CGREF1: variants seen among roughly 807,000 people sequenced by gnomAD.
CGREF1 encodes the protein cell growth regulator with EF hand domain protein 1.
In CGREF1, 16 loss-of-function variants were observed where a neutral mutation model predicts 17.4. That is an observed-to-expected ratio of 0.92 (90% CI 0.62 to 1.40). The LOEUF is 1.40. Among genes scored for constraint, CGREF1 ranks in the 40% most tolerant of loss-of-function variants. The pLI is 0.00. For synonymous variants in CGREF1, 142 were observed against 154.6 expected, an observed-to-expected ratio of 0.92 and a Z score of 0.61; for missense variants, 296 against 376.4, an observed-to-expected ratio of 0.79 and a Z score of 1.77.
chr2:27,116,217 T>G (rs1671559039), intron 1 of CGREF1, among the ~76,000 whole-genome samples: 2 of 123,570 alleles, frequency 1.6e-5, no homozygotes, highest in Non-Finnish European at 3.3e-5. Context: ...GACAGCAAGA[T>G]GCCACCAAAA....
At chr2:27,111,609 G>A (rs1439421967) in intron 1 of CGREF1, among the ~76,000 whole-genome samples, 2 of 152,224 alleles carry the variant, frequency 1.3e-5, no homozygotes, top group African/African-American at 2.4e-5. Flanking sequence ...GCCCACGGCA[G>A]TGGGGAGGCT....
downstream of CGREF1, chr2:27,099,983 A>C: frequency 4.8e-6 from 4 of 833,978 alleles, no homozygotes; most frequent in Non-Finnish European, 5.7e-6. Context: ...TCTCCTCTCA[A>C]TGTCTGAACT....
At chr2:27,112,954 C>G (rs1671445517) in intron 1 of CGREF1, among the ~76,000 whole-genome samples, 1 of 152,172 alleles carries the variant, frequency 6.6e-6, no homozygotes, top group African/African-American at 2.4e-5. Context: ...AAGTAGAAGA[C>G]AGAAATCTCC....
At chr2:27,112,839 C>T (rs1473843208) in intron 1 of CGREF1, among the ~76,000 whole-genome samples, 3 of 152,176 alleles carry the variant, frequency 2.0e-5, no homozygotes, top group Non-Finnish European at 2.9e-5. Context: ...CCACAAATCA[C>T]GTTCGAGGAG....
chr2:27,100,560 A>C (rs543665606), downstream of CGREF1: 335 of 1,289,110 alleles, frequency 2.6e-4, 3 homozygotes, highest in South Asian at 3.9e-3. Flanking sequence ...TGTAAAGAGC[A>C]TATAATGTAA....
chr2:27,103,594 G>C (rs1196974157), intron 2 of CGREF1, among the ~76,000 whole-genome samples: 1 of 150,320 alleles, frequency 6.7e-6, no homozygotes, highest in Non-Finnish European at 1.5e-5. Flanking sequence ...GGCTGGTCTC[G>C]AACTCCTGAC....
chr2:27,118,811 G>C (rs894329884), intron 1 of CGREF1, 35 bp downstream of exon 1: 6 of 152,242 alleles, frequency 3.9e-5, no homozygotes, highest in South Asian at 4.1e-4. Flanking sequence ...CGATGGGCTC[G>C]GGTCTCCGGC....
At chr2:27,102,297 G>A (rs956539463) in intron 4 of CGREF1, 63 bp downstream of exon 4, 3 of 1,612,254 alleles carry the variant, frequency 1.9e-6, no homozygotes, top group Non-Finnish European at 2.5e-6. Context: ...GGCAGCCGAG[G>A]TCAGTCCCAG....
intron 2 of CGREF1, chr2:27,103,200 G>C: frequency 1.3e-6 from 1 of 756,828 alleles, no homozygotes; most frequent in Non-Finnish European, 1.6e-6. Context: ...GAGCTGGCAG[G>C]AGTTGCAGCG....
In CGREF1 at chr2:27,100,707, AATT is replaced by A; in HGVS notation, c.*564_*566del. 1.8e-6 allele frequency: 2 copies of A among 1,119,816 alleles called. No homozygotes were observed. Among genetic ancestry groups the A allele is most frequent in the Non-Finnish European group, 2.3e-6 (2 of 876,798 alleles). The allele number at this position is 1,119,816 out of a possible 1,614,324, so 69.4% of individuals were successfully genotyped here. On this transcript the variant is annotated 3_prime_UTR_variant, in exon 6 of 6. Transcript: ENST00000402394. Reference sequence around the variant, plus strand: ...TGGAACCAATTCTGCTTGGCTACAGAATTATTGTGAGGATAAAATCATATATAA... The same window carrying A: ...TGGAACCAATTCTGCTTGGCTACAGAATTGTGAGGATAAAATCATATATAA...
intron 1 of CGREF1, among the ~76,000 whole-genome samples, chr2:27,106,093 C>A (rs899143107): frequency 2.6e-5 from 4 of 152,142 alleles, no homozygotes; most frequent in African/African-American, 9.7e-5. Flanking sequence ...CAACATGAAA[C>A]CGTCAAAGGG....
intron 1 of CGREF1, among the ~76,000 whole-genome samples, chr2:27,118,523 G>C (rs1016320809): frequency 1.3e-5 from 2 of 152,142 alleles, no homozygotes; most frequent in Non-Finnish European, 2.9e-5. Flanking sequence ...TCGGATGAGG[G>C]GGAAAGCTCC....
downstream of CGREF1, chr2:27,100,146 C>T (rs1452030054): frequency 1.9e-6 from 1 of 518,578 alleles, no homozygotes; most frequent in Non-Finnish European, 3.5e-6. Flanking sequence ...TCTGCCCTGG[C>T]TGGGGAGGAC....
At chr2:27,116,861 G>T (rs555511777) in intron 1 of CGREF1, among the ~76,000 whole-genome samples, 1 of 74,800 alleles carries the variant, frequency 1.3e-5, no homozygotes. Context: ...GAGCCACCAG[G>T]CCAGGCCTAT....
At chr2:27,111,817 G>A (rs1671400478) in intron 1 of CGREF1, among the ~76,000 whole-genome samples, 1 of 151,928 alleles carries the variant, frequency 6.6e-6, no homozygotes, top group South Asian at 2.1e-4. Context: ...GGCAAGCGCC[G>A]CGCGCAGCCC....
In CGREF1 at chr2:27,102,128, G is replaced by A; in HGVS notation, c.311C>T (p.Pro104Leu). 1 of 1,609,700 alleles carries A rather than the reference G, an allele frequency of 6.2e-7. No homozygotes were observed. The highest frequency in any genetic ancestry group is 8.5e-7 in the Non-Finnish European group (1 of 1,176,434). The change falls in exon 5 of 6, where the codon CCT becomes CTT. Residue 104 changes from proline to leucine, a missense_variant. Pro to Leu is a moderately conservative substitution (Grantham distance 98, BLOSUM62 -3). Transcript: ENST00000402394. ...GGTGGTAGGAGAGTTGGCAGCTCCAGGGGCCAGAGCAGCTGTCAACATGGA... is the reference window on the plus strand; with the variant it reads ...GGTGGTAGGAGAGTTGGCAGCTCCAAGGGCCAGAGCAGCTGTCAACATGGA... ...LLSMLTAALA[P>L]GAANSPTTNP...
At chr2:27,117,078 AATTTT>A (rs1438820580) in intron 1 of CGREF1, among the ~76,000 whole-genome samples, 1 of 151,444 alleles carries the variant, frequency 6.6e-6, no homozygotes, top group African/African-American at 2.4e-5. Flanking sequence ...ACACCTGGCT[AATTTT>A]TGTATTTTTA....
rs142435671 is a variant in CGREF1 at position 27,101,802 on chromosome 2, C to G, written c.429G>C (p.Pro143=). The G allele has an allele frequency of 8.1e-6, 13 of 1,614,062 alleles. No individual in the cohort carries two copies. Among genetic ancestry groups the G allele is most frequent in the Middle Eastern group, 1.6e-4 (1 of 6,084 alleles). The change falls in exon 6 of 6, where the codon CCG becomes CCC. Residue 143 remains proline, a synonymous_variant. Transcript: ENST00000402394. ...GCTCCACGTGCCTGAGGGCTACTCC[C>G]GGGAAGTTGATGAGCTCAGCAGGGG... The part of the protein sequence containing the change: ...LMTPAELINF[P]GVALRHVEPG...
At chr2:27,114,632 C>T (rs1367832290) in intron 1 of CGREF1, among the ~76,000 whole-genome samples, 4 of 152,176 alleles carry the variant, frequency 2.6e-5, no homozygotes, top group Non-Finnish European at 5.9e-5. Flanking sequence ...AGATGTGCAC[C>T]TCTGGAACCT....
Sources: gnomAD v4.1 joint callset for allele counts (sites outside exome capture counted in the v4.1 genomes callset) on GRCh38, gnomAD v4.1.1 for gene constraint, MANE v1.5 for transcripts, NCBI Gene and HGNC (gene_info 2026-07-23, HGNC 2026-07-21) for gene names.